SIRPG: variants seen among roughly 807,000 people sequenced by gnomAD.
The protein encoded by SIRPG is signal-regulatory protein gamma.
SIRPG carries 38 observed loss-of-function variants against 35.7 expected under a neutral mutation model. The ratio of observed to expected loss-of-function variants is 1.06; its 90% confidence interval spans 0.82 to 1.40. The LOEUF (loss-of-function observed/expected upper bound fraction) is 1.40. SIRPG is among the 40% of genes most tolerant of loss of function. The probability of loss-of-function intolerance (pLI) is 0.00; values close to 1 mark genes in which losing one functional copy is unlikely to be tolerated. For missense variants in SIRPG, 519 were observed against 483.0 expected (o/e 1.07, Z -0.70); for synonymous variants, 215 against 190.4 (o/e 1.13, Z -1.06).
At chr20:1,647,567 C>T (rs1415806229) in intron 2 of SIRPG, 2 of 152,156 alleles carry the variant, frequency 1.3e-5, no homozygotes, top group Non-Finnish European at 2.9e-5. Flanking sequence ...TGGGTGTCTC[C>T]CACCTGAGGA....
intron 2 of SIRPG, chr20:1,648,609 G>C (rs2091914451): frequency 6.6e-6 from 1 of 152,402 alleles, no homozygotes; most frequent in African/African-American, 2.4e-5. Context: ...GGTTCTCAGT[G>C]AGTGCCTGTT....
At chr20:1,654,235 C>CT (rs1353636142) in intron 1 of SIRPG, among the ~76,000 whole-genome samples, 1 of 135,638 alleles carries the variant, frequency 7.4e-6, no homozygotes. Flanking sequence ...AAGACTGCAT[C>CT]TAAAAAAAAA....
chr20:1,639,679 G>A (rs1407770238), intron 2 of SIRPG, among the ~76,000 whole-genome samples: 5 of 152,054 alleles, frequency 3.3e-5, no homozygotes, highest in African/African-American at 7.3e-5. Flanking sequence ...TGGCATTTTC[G>A]TCATGAAGTC....
the SIRPG span, among the ~76,000 whole-genome samples, chr20:1,681,380 A>G: frequency 5.3e-5 from 8 of 152,206 alleles, no homozygotes; most frequent in African/African-American, 1.9e-4. Context: ...TTACCAATGA[A>G]TGACCTTGGA....
chr20:1,636,711 G>C (rs1250823003), intron 2 of SIRPG, among the ~76,000 whole-genome samples: 1 of 152,184 alleles, frequency 6.6e-6, no homozygotes, highest in African/African-American at 2.4e-5. Flanking sequence ...ACAGTGTAGG[G>C]AAAGGTCCCA....
intron 4 of SIRPG, among the ~76,000 whole-genome samples, chr20:1,631,420 A>G (rs1294932257): frequency 2.6e-5 from 4 of 152,140 alleles, no homozygotes; most frequent in South Asian, 2.1e-4. Context: ...AAAAAACACT[A>G]CATGACGCTC....
chr20:1,646,759 T>G (rs1188550948), intron 2 of SIRPG: 2 of 152,346 alleles, frequency 1.3e-5, no homozygotes, highest in Non-Finnish European at 2.9e-5. Flanking sequence ...ACGATTCTCC[T>G]GCCTCAGCCT....
the SIRPG span, among the ~76,000 whole-genome samples, chr20:1,676,048 C>T: frequency 2.6e-5 from 4 of 152,252 alleles, no homozygotes; most frequent in South Asian, 4.2e-4. Flanking sequence ...GAGCACTTCA[C>T]TAGGAAGTAG....
intron 3 of SIRPG, 125 bp downstream of exon 3, chr20:1,636,063 G>T (rs1423225255): frequency 1.5e-6 from 2 of 1,357,526 alleles, no homozygotes; most frequent in East Asian, 2.4e-5. Context: ...TAGGTGCATG[G>T]CGGGCGGGCA....
chr20:1,636,087 T>G, intron 3 of SIRPG, 101 bp downstream of exon 3: 2 of 1,529,040 alleles, frequency 1.3e-6, no homozygotes, highest in Non-Finnish European at 1.8e-6. Flanking sequence ...TAGTCAGGGA[T>G]TAGATTACAG....
At chr20:1,659,725 T>G (rs191784199), upstream of SIRPG, among the ~76,000 whole-genome samples, 1 of 152,334 alleles carries the variant, frequency 6.6e-6, no homozygotes, top group African/African-American at 2.4e-5. Context: ...GCCTTCACTT[T>G]TAATGGTTGT....
the SIRPG span, among the ~76,000 whole-genome samples, chr20:1,668,165 CTTTTCTTTTCTTTCTTTCTTTCT>C: frequency 2.9e-5 from 3 of 102,196 alleles, no homozygotes; most frequent in Non-Finnish European, 4.1e-5. Flanking sequence ...CTTTTCTTTT[CTTTTCTTTTCTTTCTTTCTTTCT>C]TTTTCTTTTC....
the SIRPG span, among the ~76,000 whole-genome samples, chr20:1,663,495 G>T: frequency 2.0e-5 from 3 of 152,218 alleles, no homozygotes; most frequent in Admixed American, 6.5e-5. Context: ...GTTCAAGACA[G>T]CCAACTGTCA....
At chr20:1,653,312 G>A (rs1356181537) in intron 1 of SIRPG, among the ~76,000 whole-genome samples, 2 of 152,194 alleles carry the variant, frequency 1.3e-5, no homozygotes, top group African/African-American at 4.8e-5. Context: ...TGTTAGGAAA[G>A]GTGACAAGAA....
intron 2 of SIRPG, chr20:1,647,374 G>A (rs1288155384): frequency 6.6e-6 from 1 of 152,316 alleles, no homozygotes; most frequent in Non-Finnish European, 1.5e-5. Context: ...CCTGGGCTGG[G>A]GAGGCACCAT....
At chr20:1,638,966 C>T (rs1422087579) in intron 2 of SIRPG, among the ~76,000 whole-genome samples, 2 of 152,124 alleles carry the variant, frequency 1.3e-5, no homozygotes, top group Admixed American at 1.3e-4. Context: ...TTTTTTATGG[C>T]TGCATAGTAT....
At chr20:1,633,625 G>A (rs1236388932) in intron 4 of SIRPG, 1 of 151,990 alleles carries the variant, frequency 6.6e-6, no homozygotes, top group Non-Finnish European at 1.5e-5. Context: ...GATATTTTTT[G>A]CCCTCCATTT....
At chr20:1,650,901 G>A (rs961742241) in intron 1 of SIRPG, among the ~76,000 whole-genome samples, 2 of 152,192 alleles carry the variant, frequency 1.3e-5, no homozygotes, top group African/African-American at 4.8e-5. Flanking sequence ...CCCTCAGTAA[G>A]ATTATCAGCT....
At chr20:1,635,142 G>T (rs1050811369) in intron 4 of SIRPG, 125 bp downstream of exon 4, 1 of 704,804 alleles carries the variant, frequency 1.4e-6, no homozygotes, top group Non-Finnish European at 2.3e-6. Context: ...GGATTTGGGG[G>T]GATGGAGCTG....
Sources: gnomAD v4.1 joint callset for allele counts (sites outside exome capture counted in the v4.1 genomes callset) on GRCh38, gnomAD v4.1.1 for gene constraint, MANE v1.5 for transcripts, NCBI Gene and HGNC (gene_info 2026-07-23, HGNC 2026-07-21) for gene names.